Variants in PHF14 observed in about 807,000 individuals in gnomAD.
The protein encoded by PHF14 is PHD finger protein 14.
In PHF14, 55 loss-of-function variants were observed where a neutral mutation model predicts 117.9. That is an observed-to-expected ratio of 0.47 (90% CI 0.38 to 0.58). The LOEUF (loss-of-function observed/expected upper bound fraction) is 0.58, where lower values mean the gene tolerates loss of function less well. PHF14 is among the 20% of genes least tolerant of loss of function. The probability of loss-of-function intolerance (pLI) is 0.00; values close to 1 mark genes in which losing one functional copy is unlikely to be tolerated. For missense variants in PHF14, 978 were observed against 1,122.2 expected (o/e 0.87, Z 1.84); for synonymous variants, 409 against 368.6 (o/e 1.11, Z -1.26).
intron 17 of PHF14, among the ~76,000 whole-genome samples, chr7:11,118,612 G>A (rs1229051384): frequency 6.6e-6 from 1 of 151,710 alleles, no homozygotes; most frequent in Non-Finnish European, 1.5e-5. Flanking sequence ...TGGTCAAGTA[G>A]GTGGTTTTAT....
intron 16 of PHF14, among the ~76,000 whole-genome samples, chr7:11,084,322 A>G (rs1251058080): frequency 6.6e-6 from 1 of 152,186 alleles, no homozygotes; most frequent in Non-Finnish European, 1.5e-5. Context: ...TTTATTTTTA[A>G]AGGACCAAGT....
intron 17 of PHF14, among the ~76,000 whole-genome samples, chr7:11,112,020 C>T (rs901920597): frequency 6.6e-6 from 1 of 151,798 alleles, no homozygotes; most frequent in Admixed American, 6.6e-5. Context: ...ACCCCCAAAT[C>T]AGTTTGAAAA....
Position 11,035,749 on chromosome 7 carries a change from T to C in PHF14, c.1565T>C (p.Leu522Ser), listed in dbSNP as rs763618798. The change falls in exon 8 of 18, where the codon TTG becomes TCG. Residue 522 changes from leucine (L) to serine (S), a missense_variant. Leu to Ser is a moderately radical substitution (Grantham distance 145, BLOSUM62 -2). This residue lies in a region of PHF14 where 237 missense variants were observed against 276.4 expected (regional missense o/e 0.86). Transcript: ENST00000634607. ...LALQSYCKMS[L>S]QEREKQLSPE... ...CTACAGTCCTATTGTAAAATGTCTT[T>C]GCAAGAGAGAGAGAAGCAACTATCA... 4 of 1,609,718 alleles carry C rather than the reference T, an allele frequency of 2.5e-6. No homozygotes were observed. Among genetic ancestry groups the C allele is most frequent in the Non-Finnish European group, 2.5e-6 (3 of 1,177,364 alleles).
At chr7:11,001,573 G>A (rs960082191) in intron 4 of PHF14, among the ~76,000 whole-genome samples, 4 of 133,858 alleles carry the variant, frequency 3.0e-5, no homozygotes, top group African/African-American at 1.1e-4. Context: ...TTTCATCAGA[G>A]TTTTGCAGTT....
rs779472097 is a variant in PHF14 at position 11,040,753 on chromosome 7, A to G, written c.2158A>G (p.Thr720Ala). 5 of 1,552,170 alleles carry G rather than the reference A, an allele frequency of 3.2e-6. No individual in the cohort carries two copies. Among genetic ancestry groups the G allele is most frequent in the Admixed American group, 3.8e-5 (2 of 52,320 alleles). The change falls in exon 12 of 18, where the codon ACT becomes GCT. Residue 720 changes from threonine (T) to alanine (A), a missense_variant. Thr to Ala is a moderately conservative substitution (Grantham distance 58, BLOSUM62 0). Around this residue, in one of 7 missense-constraint regions of PHF14, gnomAD observed 237 missense variants for 276.4 expected, o/e 0.86. Transcript: ENST00000634607. ...AGAAGGAGGCACACAAAAGACATCT[A>G]CTCTTCCTGCAGTACTTTATAGGCA... ...KKEGGTQKTS[T>A]LPAVLYSCGI...
At chr7:11,105,383 T>TTTA (rs1370938777) in intron 16 of PHF14, 1 of 955,566 alleles carries the variant, frequency 1.0e-6, no homozygotes, top group African/African-American at 1.8e-5. Flanking sequence ...AACCACTGGT[T>TTTA]TTAAACAAAG....
intron 14 of PHF14, among the ~76,000 whole-genome samples, chr7:11,060,178 G>A (rs185434293): frequency 2.7e-3 from 417 of 152,300 alleles, no homozygotes; most frequent in African/African-American, 9.7e-3. Flanking sequence ...TGCCTGGCCT[G>A]TCAGTCAGAT....
At position 10,982,763 on chromosome 7, in the gene PHF14, T is replaced by C. The variant is rs1562560338; in HGVS notation, c.504T>C (p.Thr168=). 1.2e-6 allele frequency: 2 copies of C among 1,613,862 alleles called. No homozygotes were observed. Among genetic ancestry groups the C allele is most frequent in the Non-Finnish European group, 1.7e-6 (2 of 1,179,862 alleles). Residue 168 remains threonine (T), a synonymous_variant, in exon 3 of 18, where the codon ACT becomes ACC. Coordinates refer to ENST00000634607, the MANE Select transcript of PHF14 (RefSeq NM_001007157.2). ...TTAACACATCCCCTTCTGTTCCCAC[T>C]ACGACAACCGCTACAGAGGAACAAG... ...PAVNTSPSVP[T]TTTATEEQVS... is the part of the protein sequence containing the mutation.
At chr7:11,033,057 C>T (rs754951271) in intron 7 of PHF14, among the ~76,000 whole-genome samples, 5 of 152,176 alleles carry the variant, frequency 3.3e-5, no homozygotes, top group Admixed American at 6.5e-5. Flanking sequence ...TATACAAAAG[C>T]GCATGTGCTT....
At chr7:11,153,400 T>C (rs74719549) in intron 17 of PHF14, among the ~76,000 whole-genome samples, 16,166 of 151,648 alleles carry the variant, frequency 0.11, 1,154 homozygotes, top group African/African-American at 0.2. Flanking sequence ...TTAGTGGGGG[T>C]AGGGGAAGTT....
chr7:11,089,128 C>T, intron 16 of PHF14, among the ~76,000 whole-genome samples: 1 of 151,238 alleles, frequency 6.6e-6, no homozygotes, highest in East Asian at 1.9e-4. Context: ...GATCAGTTAA[C>T]CGCAGCAAAT....
At chr7:11,061,580 A>G in intron 14 of PHF14, 1 of 352,074 alleles carries the variant, frequency 2.8e-6, no homozygotes, top group East Asian at 4.4e-5. Flanking sequence ...AAGTACTATA[A>G]AGTATATTTA....
intron 16 of PHF14, among the ~76,000 whole-genome samples, chr7:11,079,588 C>G (rs968389208): frequency 6.6e-6 from 1 of 151,994 alleles, no homozygotes; most frequent in Non-Finnish European, 1.5e-5. Flanking sequence ...GTTTTGCTGA[C>G]TTTCTTTTTC....
At chr7:11,133,695 C>T (rs1228559599) in intron 17 of PHF14, among the ~76,000 whole-genome samples, 1 of 151,916 alleles carries the variant, frequency 6.6e-6, no homozygotes, top group Non-Finnish European at 1.5e-5. Flanking sequence ...AGTGTCCTTA[C>T]TGCACTTTTC....
intron 16 of PHF14, among the ~76,000 whole-genome samples, chr7:11,082,160 G>A (rs556926377): frequency 6.6e-6 from 1 of 152,018 alleles, no homozygotes; most frequent in African/African-American, 2.4e-5. Flanking sequence ...CCTAGGCAAT[G>A]TATCGAGACC....
chr7:11,042,832 G>A lies in PHF14; in HGVS notation c.2312+18G>A, dbSNP rs1784541470. ...AGTTATTGGTGAGTAAAATAGAGGAGATTTAGATGTTTGAATTGATTTACT... is the reference window on the plus strand; with the variant it reads ...AGTTATTGGTGAGTAAAATAGAGGAAATTTAGATGTTTGAATTGATTTACT... On this transcript the variant is annotated intron_variant, in intron 13 of 17. Transcript: ENST00000634607. The A allele has an allele frequency of 2.0e-6, 3 of 1,521,678 alleles. No individual in the cohort carries two copies. Among genetic ancestry groups the A allele is most frequent in the Non-Finnish European group, 2.7e-6 (3 of 1,118,240 alleles). 94.3% of individuals were successfully genotyped at this position (1,521,678 alleles called of 1,614,324 possible).
In PHF14 at chr7:11,130,047, T is replaced by TA. The variant is rs1360151944; in HGVS notation, c.2772+18580_2772+18581insA. On this transcript the variant is annotated intron_variant, in intron 17 of 17. Coordinates refer to ENST00000634607, the MANE Select transcript of PHF14 (RefSeq NM_001007157.2). The surrounding 1 kb of genome is among the most constrained non-coding windows in gnomAD (Gnocchi z 4.2). The stretch of plus-strand genomic sequence containing the variant: ...TTTTAGTTGATTAATATAAGTTGAT[T>TA]TCTCATTCATGTAACGTATCAGTAC... Among the ~76,000 whole-genome samples, 2 of 152,046 alleles carry TA rather than the reference T, an allele frequency of 1.3e-5. No homozygotes were observed. Among genetic ancestry groups the TA allele is most frequent in the Non-Finnish European group, 2.9e-5 (2 of 67,960 alleles).
chr7:11,059,068 T>A (rs1467346714), intron 14 of PHF14, among the ~76,000 whole-genome samples: 1 of 152,170 alleles, frequency 6.6e-6, no homozygotes, highest in Non-Finnish European at 1.5e-5. Flanking sequence ...CAAATACACC[T>A]AATATATGAG....
At chr7:10,985,638 G>GTTTTTTTTTTT (rs61250143) in intron 3 of PHF14, among the ~76,000 whole-genome samples, 11 of 45,962 alleles carry the variant, frequency 2.4e-4, no homozygotes, top group Admixed American at 4.2e-4. Context: ...TTCTCAAACT[G>GTTTTTTTTTTT]TTTTTTTTTT....
Sources: gnomAD v4.1 joint callset for allele counts (sites outside exome capture counted in the v4.1 genomes callset) on GRCh38, gnomAD v4.1.1 for gene constraint, gnomAD v4.1.1 regional missense constraint, Gnocchi (gnomAD v3.1) non-coding constraint, MANE v1.5 for transcripts, NCBI Gene and HGNC (gene_info 2026-07-23, HGNC 2026-07-21) for gene names.